The following SLC5A1 variants were observed in gnomAD, a reference collection of about 807,000 sequenced individuals.
The protein encoded by SLC5A1 is solute carrier family 5 member 1, also known as sodium/glucose cotransporter 1.
SLC5A1 carries 42 observed loss-of-function variants against 73.5 expected under a neutral mutation model. The observed-to-expected ratio is 0.57, with a 90% CI of 0.45 to 0.74. SLC5A1 has a LOEUF of 0.74. Among genes scored for constraint, SLC5A1 ranks in the 30% least tolerant of loss-of-function variants. The pLI is 0.00. For missense variants in SLC5A1, 634 were observed against 855.4 expected (o/e 0.74, Z 3.23); for synonymous variants, 300 against 317.4 (o/e 0.95, Z 0.58).
chr22:32,091,252 T>C (rs2094016756), intron 10 of SLC5A1, among the ~76,000 whole-genome samples: 1 of 151,074 alleles, frequency 6.6e-6, no homozygotes, highest in African/African-American at 2.4e-5. Flanking sequence ...ATATTTCAGG[T>C]GAGAGACCTT....
intron 2 of SLC5A1, among the ~76,000 whole-genome samples, chr22:32,060,048 CACACATATAT>C (rs1379391459): frequency 9.8e-5 from 14 of 142,510 alleles, no homozygotes; most frequent in African/African-American, 3.3e-4. Flanking sequence ...CACACACACA[CACACATATAT>C]ACACACACAT....
intron 11 of SLC5A1, 34 bp downstream of exon 11, chr22:32,091,796 G>A: frequency 6.2e-7 from 1 of 1,611,680 alleles, no homozygotes; most frequent in Non-Finnish European, 8.5e-7. Flanking sequence ...ACAAAAGCTT[G>A]AATGATCAGA....
chr22:32,062,506 C>T (rs1018653093), intron 2 of SLC5A1, among the ~76,000 whole-genome samples: 1 of 152,182 alleles, frequency 6.6e-6, no homozygotes, highest in African/African-American at 2.4e-5. Context: ...AAAGTATCCA[C>T]ATACTTGTAA....
chr22:32,097,759 G>C (rs1203309038), intron 11 of SLC5A1, among the ~76,000 whole-genome samples: 1 of 152,166 alleles, frequency 6.6e-6, no homozygotes. Context: ...CTATCACTTA[G>C]ATTAGTTTTA....
intron 5 of SLC5A1, among the ~76,000 whole-genome samples, chr22:32,070,916 A>T (rs2093981982): frequency 1.3e-5 from 2 of 152,224 alleles, no homozygotes; most frequent in Admixed American, 1.3e-4. Context: ...GTAAATGATA[A>T]GGAATAAGAG....
intron 14 of SLC5A1, among the ~76,000 whole-genome samples, chr22:32,108,037 A>G (rs2094049460): frequency 6.6e-6 from 1 of 152,348 alleles, no homozygotes; most frequent in South Asian, 2.1e-4. Context: ...TAACGCAAGT[A>G]CAATTCTTCC....
intron 2 of SLC5A1, among the ~76,000 whole-genome samples, chr22:32,054,559 A>T (rs1182682398): frequency 6.6e-6 from 1 of 152,178 alleles, no homozygotes; most frequent in East Asian, 1.9e-4. Flanking sequence ...AGATTCTGGG[A>T]TGAGTAACCC....
intron 5 of SLC5A1, among the ~76,000 whole-genome samples, chr22:32,072,124 C>A (rs916647716): frequency 6.6e-6 from 1 of 151,980 alleles, no homozygotes; most frequent in Non-Finnish European, 1.5e-5. Flanking sequence ...GGTTAAATTG[C>A]ATGTCACGGG....
At chr22:32,078,747 G>A (rs1453348881) in intron 5 of SLC5A1, among the ~76,000 whole-genome samples, 1 of 152,018 alleles carries the variant, frequency 6.6e-6, no homozygotes, top group Non-Finnish European at 1.5e-5. Flanking sequence ...AAGATCAGGA[G>A]ATTGAGACCA....
chr22:32,091,405 T>C (rs1465666919), intron 10 of SLC5A1, among the ~76,000 whole-genome samples: 2 of 152,026 alleles, frequency 1.3e-5, no homozygotes, highest in Admixed American at 6.6e-5. Context: ...TGTCTCTGGC[T>C]CTTTGTGGCT....
Position 32,110,323 on chromosome 22 carries a change from G to A in SLC5A1, c.*110G>A, listed in dbSNP as rs1367854828. The A allele has an allele frequency of 2.5e-6, 2 of 799,346 alleles. No individual in the cohort carries two copies. The highest frequency in any genetic ancestry group is 1.7e-5 in the African/African-American group (1 of 59,428). 49.5% of individuals were successfully genotyped at this position (799,346 alleles called of 1,614,324 possible). ...AGCCAGTTGTAAATTTTGCCCAGGTGGATAAATGTGTACATGTGTAATTAT... is the reference window on the plus strand; with the variant it reads ...AGCCAGTTGTAAATTTTGCCCAGGTAGATAAATGTGTACATGTGTAATTAT... On this transcript the variant is annotated 3_prime_UTR_variant, in exon 15 of 15. Coordinates refer to ENST00000266088, the MANE Select transcript of SLC5A1 (RefSeq NM_000343.4).
At chr22:32,052,174 C>T (rs554120149) in intron 2 of SLC5A1, among the ~76,000 whole-genome samples, 18 of 152,310 alleles carry the variant, frequency 1.2e-4, no homozygotes, top group African/African-American at 3.1e-4. Flanking sequence ...ATTCAGGTCT[C>T]TTTCTCCTTG....
chr22:32,048,185 C>G (rs887732647), intron 1 of SLC5A1, among the ~76,000 whole-genome samples: 3 of 149,660 alleles, frequency 2.0e-5, no homozygotes, highest in African/African-American at 7.4e-5. Flanking sequence ...CCACCTCTGA[C>G]AGGGTTAAGT....
At chr22:32,068,944 C>T (rs1385780759) in intron 5 of SLC5A1, among the ~76,000 whole-genome samples, 2 of 152,066 alleles carry the variant, frequency 1.3e-5, no homozygotes, top group Non-Finnish European at 2.9e-5. Context: ...ATAAATATAT[C>T]GAAGAGGTAT....
At chr22:32,091,045 T>C (rs2094016387) in intron 10 of SLC5A1, among the ~76,000 whole-genome samples, 1 of 152,134 alleles carries the variant, frequency 6.6e-6, no homozygotes, top group African/African-American at 2.4e-5. Context: ...TGGAGAAGTG[T>C]CTATTCAGAT....
In SLC5A1 at chr22:32,110,499, T is replaced by C. The variant is rs2094054659; in HGVS notation, c.*286T>C. On this transcript the variant is annotated 3_prime_UTR_variant, in exon 15 of 15. Coordinates refer to ENST00000266088, the MANE Select transcript of SLC5A1 (RefSeq NM_000343.4). ...AGACTAAGAATCAGAAGCCATGTGATTGATGTCTGACGTGAGTCTGTCTCA... is the reference window on the plus strand; with the variant it reads ...AGACTAAGAATCAGAAGCCATGTGACTGATGTCTGACGTGAGTCTGTCTCA... 4.1e-6 allele frequency: 2 copies of C among 484,844 alleles called. No homozygotes were observed. The highest frequency in any genetic ancestry group is 7.6e-6 in the Non-Finnish European group (2 of 264,196). 30.0% of individuals were successfully genotyped at this position (484,844 alleles called of 1,614,324 possible).
In SLC5A1 at chr22:32,099,174, T is replaced by C; in HGVS notation, c.1281-9T>C. 6.3e-7 allele frequency: 1 copy of C among 1,596,460 alleles called. No homozygotes were observed. On this transcript the variant is annotated splice_polypyrimidine_tract_variant and intron_variant, in intron 11 of 14. Coordinates refer to ENST00000266088, the MANE Select transcript of SLC5A1 (RefSeq NM_000343.4). ...TATTGACACCTTGTTGTGGGGGCTT[T>C]AATTTCAGGTTGTTTATCCTGGTGC...
intron 10 of SLC5A1, among the ~76,000 whole-genome samples, chr22:32,086,810 G>C (rs1001821343): frequency 6.6e-6 from 1 of 152,102 alleles, no homozygotes; most frequent in Non-Finnish European, 1.5e-5. Context: ...GTTCACTGTA[G>C]CATTGTTCAC....
chr22:32,077,818 T>G (rs1433972443), intron 5 of SLC5A1, among the ~76,000 whole-genome samples: 1 of 152,220 alleles, frequency 6.6e-6, no homozygotes, highest in East Asian at 1.9e-4. Flanking sequence ...TGTTTTTATA[T>G]TTTTACTACA....
Sources: gnomAD v4.1 joint callset for allele counts (sites outside exome capture counted in the v4.1 genomes callset) on GRCh38, gnomAD v4.1.1 for gene constraint, MANE v1.5 for transcripts, NCBI Gene and HGNC (gene_info 2026-07-23, HGNC 2026-07-21) for gene names.